The following CDH13 variants were observed in gnomAD, a reference collection of about 807,000 sequenced individuals.
The protein encoded by CDH13 is cadherin-13.
In CDH13, 24 loss-of-function variants were observed where a neutral mutation model predicts 63.8. The observed-to-expected ratio is 0.38, with a 90% CI of 0.27 to 0.53. The LOEUF (loss-of-function observed/expected upper bound fraction) is 0.53. Among genes scored for constraint, CDH13 ranks in the 20% least tolerant of loss-of-function variants. CDH13 has a pLI of 0.85. For missense variants in CDH13, 1,049 were observed against 903.1 expected (o/e 1.16, Z -2.07); for synonymous variants, 503 against 355.3 (o/e 1.42, Z -4.67).
chr16:82,856,693 C>CAAAAAAAAAAAAAAAAAAAAAAAAAAAA (rs56106728), intron 1 of CDH13, among the ~76,000 whole-genome samples: 1 of 49,546 alleles, frequency 2.0e-5, no homozygotes, highest in Non-Finnish European at 3.3e-5. Context: ...GACTCGGTCT[C>CAAAAAAAAAAAAAAAAAAAAAAAAAAAA]AAAAAAAAAA....
intron 2 of CDH13, among the ~76,000 whole-genome samples, chr16:82,976,967 G>A (rs1909602347): frequency 6.6e-6 from 1 of 152,130 alleles, no homozygotes; most frequent in South Asian, 2.1e-4. Context: ...CATCAGTCTG[G>A]CTTTGTCCTG....
intron 10 of CDH13, among the ~76,000 whole-genome samples, chr16:83,743,748 C>CTTTTTTTTTTCTTTT (rs1912283699): frequency 1.3e-5 from 1 of 76,258 alleles, no homozygotes; most frequent in Non-Finnish European, 2.2e-5. Flanking sequence ...TTTCTTTTTT[C>CTTTTTTTTTTCTTTT]TTTTTTTTTT....
chr16:82,720,379 G>C (rs774799422), intron 1 of CDH13, among the ~76,000 whole-genome samples: 5 of 152,032 alleles, frequency 3.3e-5, no homozygotes, highest in Non-Finnish European at 5.9e-5. Flanking sequence ...ACAATACTTC[G>C]TATTAATTAA....
chr16:83,142,154 G>GT lies in CDH13; in HGVS notation c.483+16658dup, dbSNP rs1010118688. 1.2e-3 allele frequency among the ~76,000 whole-genome samples: 140 copies of GT among 113,602 alleles called. 1 individual carries two copies. The highest frequency in any genetic ancestry group is 6.9e-3 in the East Asian group (19 of 2,756). The allele number at this position is 113,602 out of a possible 152,430, so 74.5% of individuals were successfully genotyped here. A position where few individuals can be genotyped will look rare whatever the true frequency, so the allele number is the denominator to read the frequency against. Reference sequence around the variant, plus strand: ...GTGCCTGAACCATTTTTGTTTGTTTGTTTTTGTTTTTTTTTTTTTTTTTTT... The same window carrying GT: ...GTGCCTGAACCATTTTTGTTTGTTTGTTTTTTGTTTTTTTTTTTTTTTTTTT... On this transcript the variant is annotated intron_variant, in intron 4 of 13. Transcript: ENST00000567109.
At chr16:83,215,488 C>T (rs78664941) in intron 4 of CDH13, among the ~76,000 whole-genome samples, 4,230 of 91,390 alleles carry the variant, frequency 0.046, 207 homozygotes, top group African/African-American at 0.14. Flanking sequence ...TAATAAACAA[C>T]ATTTTTTAAT....
At chr16:83,194,853 C>G (rs916617493) in intron 4 of CDH13, among the ~76,000 whole-genome samples, 3 of 152,138 alleles carry the variant, frequency 2.0e-5, no homozygotes, top group African/African-American at 7.2e-5. Flanking sequence ...TTTCAGGAGG[C>G]AAGGTGGCTT....
chr16:82,977,837 C>A (rs114449142), intron 2 of CDH13, among the ~76,000 whole-genome samples: 5,739 of 152,170 alleles, frequency 0.038, 127 homozygotes, highest in Non-Finnish European at 0.043. Context: ...AAAATGTGGG[C>A]AATTTTGGAA....
intron 1 of CDH13, among the ~76,000 whole-genome samples, chr16:82,746,725 A>G (rs775103002): frequency 6.6e-6 from 1 of 152,148 alleles, no homozygotes; most frequent in Non-Finnish European, 1.5e-5. Context: ...AAAAATTCCC[A>G]AACTGATTTC....
chr16:83,064,747 T>G (rs1285980751), intron 3 of CDH13, among the ~76,000 whole-genome samples: 2 of 152,172 alleles, frequency 1.3e-5, no homozygotes, highest in Admixed American at 1.3e-4. Context: ...AAGTCATAAT[T>G]GTATGCATTT....
chr16:83,257,264 G>C (rs1414133128), intron 5 of CDH13, among the ~76,000 whole-genome samples: 2 of 152,148 alleles, frequency 1.3e-5, no homozygotes, highest in Non-Finnish European at 2.9e-5. Flanking sequence ...GCGACGGTGA[G>C]CTTGAAAGGT....
At chr16:82,689,440 C>G (rs906210469) in intron 1 of CDH13, among the ~76,000 whole-genome samples, 1 of 152,166 alleles carries the variant, frequency 6.6e-6, no homozygotes, top group African/African-American at 2.4e-5. Context: ...CCTCCTTTTA[C>G]ATAACATTGG....
intron 3 of CDH13, among the ~76,000 whole-genome samples, chr16:83,054,428 G>T (rs1327190455): frequency 6.6e-6 from 1 of 152,164 alleles, no homozygotes; most frequent in Non-Finnish European, 1.5e-5. Context: ...TGATATCTCA[G>T]CAGTTGACAT....
At chr16:82,650,295 G>A (rs1237277589) in intron 1 of CDH13, among the ~76,000 whole-genome samples, 2 of 152,206 alleles carry the variant, frequency 1.3e-5, no homozygotes, top group African/African-American at 4.8e-5. Context: ...AGCAGAGTTA[G>A]AAGGAGTTTA....
chr16:83,498,173 G>T (rs2074191859), intron 7 of CDH13, among the ~76,000 whole-genome samples: 1 of 152,192 alleles, frequency 6.6e-6, no homozygotes, highest in Non-Finnish European at 1.5e-5. Flanking sequence ...TAGGTGAGAG[G>T]AGAGGGGGCA....
chr16:83,783,385 A>G lies in CDH13; in HGVS notation c.2047A>G (p.Arg683Gly), dbSNP rs1915664427. 6.2e-7 allele frequency: 1 copy of G among 1,613,872 alleles called. No homozygotes were observed. Among genetic ancestry groups the G allele is most frequent in the East Asian group, 2.2e-5 (1 of 44,892 alleles). ...TDLRVQVCSC[R>G]NSKVDCNAAG... ...TCTCAGGGTACAAGTGTGCTCCTGC[A>G]GGAATTCCAAAGTGGACTGCAACGC... Residue 683 changes from arginine (R) to glycine (G), a missense_variant, in exon 13 of 14, where the codon AGG becomes GGG. By Grantham distance (125) the Arg-to-Gly change is moderately radical. Transcript: ENST00000567109.
At chr16:83,298,278 GAAAAGA>G (rs1189841389) in intron 5 of CDH13, among the ~76,000 whole-genome samples, 2 of 151,898 alleles carry the variant, frequency 1.3e-5, no homozygotes, top group East Asian at 1.9e-4. Flanking sequence ...GACGAGATGA[GAAAAGA>G]AAAAGAAAAG....
chr16:83,570,005 G>A (rs1006269146), intron 7 of CDH13, among the ~76,000 whole-genome samples: 1 of 152,132 alleles, frequency 6.6e-6, no homozygotes, highest in African/African-American at 2.4e-5. Context: ...AAAGTGCTTG[G>A]ATTACAGGAG....
At chr16:83,671,030 G>C (rs1914455951) in intron 9 of CDH13, 58 bp downstream of exon 9, 1 of 1,406,126 alleles carries the variant, frequency 7.1e-7, no homozygotes, top group Non-Finnish European at 9.7e-7. Context: ...GCCCCATGAG[G>C]CAGCTCATAG....
At chr16:83,659,127 C>T (rs1312855634) in intron 8 of CDH13, among the ~76,000 whole-genome samples, 1 of 144,444 alleles carries the variant, frequency 6.9e-6, no homozygotes, top group Non-Finnish European at 1.5e-5. Flanking sequence ...ACCACCAGGT[C>T]CCATGTCCTC....
Sources: allele counts gnomAD v4.1 joint callset (sites outside exome capture counted in the v4.1 genomes callset), GRCh38; gene constraint gnomAD v4.1.1; transcripts MANE v1.5; gene names NCBI Gene and HGNC (gene_info 2026-07-23, HGNC 2026-07-21).